Variants in MADD observed in about 807,000 individuals in gnomAD.
MADD encodes the protein MAP kinase activating death domain, also known as MAP kinase-activating death domain protein.
MADD carries 109 observed loss-of-function variants against 176.7 expected under a neutral mutation model. The ratio of observed to expected loss-of-function variants is 0.62; its 90% CI spans 0.53 to 0.72. The LOEUF (loss-of-function observed/expected upper bound fraction) is 0.72, where lower values mean the gene tolerates loss of function less well. Ranked by LOEUF, MADD falls within the 30% of genes least tolerant of loss-of-function variation. The probability of loss-of-function intolerance (pLI) is 0.00; values close to 1 mark genes in which losing one functional copy is unlikely to be tolerated. For synonymous variants in MADD, 771 were observed against 771.3 expected (o/e 1.00, Z 0.01); for missense variants, 1,914 against 2,045.5 (o/e 0.94, Z 1.24).
At chr11:47,320,303 A>C (rs2094212086) in intron 27 of MADD, among the ~76,000 whole-genome samples, 1 of 151,806 alleles carries the variant, frequency 6.6e-6, no homozygotes, top group Non-Finnish European at 1.5e-5. Flanking sequence ...AAAAATACAA[A>C]AAATTAGCCA....
chr11:47,274,311 CA>C (rs2047803395), intron 2 of MADD, among the ~76,000 whole-genome samples: 2 of 152,120 alleles, frequency 1.3e-5, no homozygotes, highest in Non-Finnish European at 2.9e-5. Context: ...AGATGTTAAT[CA>C]TCTTAAGGTG....
At chr11:47,318,838 C>A in intron 27 of MADD, among the ~76,000 whole-genome samples, 1 of 116,986 alleles carries the variant, frequency 8.5e-6, no homozygotes, top group African/African-American at 3.3e-5. Flanking sequence ...GACAGAGTCT[C>A]ACTCTGTTGC....
At chr11:47,317,272 T>C (rs2093346469) in intron 27 of MADD, among the ~76,000 whole-genome samples, 1 of 152,228 alleles carries the variant, frequency 6.6e-6, no homozygotes, top group Admixed American at 6.5e-5. Context: ...CTGATAGTCA[T>C]ACTGTGAATG....
exon 13 of MADD, chr11:47,284,996 C>A: frequency 6.2e-7 from 1 of 1,614,074 alleles, no homozygotes; most frequent in Non-Finnish European, 8.5e-7. Context: ...GTCTCCAAGC[C>A]CCTCCCTTCC....
At chr11:47,305,881 C>G (rs569511192) in intron 22 of MADD, among the ~76,000 whole-genome samples, 3 of 152,308 alleles carry the variant, frequency 2.0e-5, no homozygotes, top group Admixed American at 1.3e-4. Flanking sequence ...CAGCTCAGCC[C>G]TGGAATGCGT....
At chr11:47,272,589 A>G (rs1302942213) in intron 1 of MADD, among the ~76,000 whole-genome samples, 1 of 152,126 alleles carries the variant, frequency 6.6e-6, no homozygotes, top group Non-Finnish European at 1.5e-5. Flanking sequence ...TGAGAAAAGA[A>G]CTTCTACTCA....
At chr11:47,302,164 G>A (rs774360910) in intron 22 of MADD, among the ~76,000 whole-genome samples, 7 of 152,136 alleles carry the variant, frequency 4.6e-5, no homozygotes, top group Non-Finnish European at 1.0e-4. Context: ...ATTTGCAATT[G>A]TTATATCCTC....
At chr11:47,290,566 T>G in intron 18 of MADD, 44 bp from the exon 20 acceptor site, 1 of 1,577,440 alleles carries the variant, frequency 6.3e-7, no homozygotes, top group Non-Finnish European at 8.7e-7. Context: ...GCGCCTTGAT[T>G]CCTACTCACT....
intron 30 of MADD, among the ~76,000 whole-genome samples, chr11:47,326,152 T>TTACTACTACTAC (rs2095435266): frequency 6.6e-6 from 1 of 152,232 alleles, no homozygotes; most frequent in South Asian, 2.1e-4. Flanking sequence ...GTAATACTAT[T>TTACTACTACTAC]TACTGTGTCA....
chr11:47,328,169 AG>A (rs2095660245), intron 31 of MADD: 7 of 1,037,146 alleles, frequency 6.7e-6, no homozygotes, highest in Non-Finnish European at 8.1e-6. Flanking sequence ...CCCTCTGTGT[AG>A]GGGGCTGGGA....
intron 22 of MADD, among the ~76,000 whole-genome samples, chr11:47,304,371 C>G (rs2080788724): frequency 6.6e-6 from 1 of 152,018 alleles, no homozygotes; most frequent in South Asian, 2.1e-4. Context: ...GCTGGGATTA[C>G]AGGCATGCGC....
At chr11:47,306,281 A>G (rs544223421) in intron 22 of MADD, among the ~76,000 whole-genome samples, 1 of 152,306 alleles carries the variant, frequency 6.6e-6, no homozygotes, top group Non-Finnish European at 1.5e-5. Context: ...TCAAGACATC[A>G]GGCTAGAGTG....
In MADD at chr11:47,286,641, C is replaced by T. The variant is rs3889096; in HGVS notation, c.2653+107C>T. The T allele has an allele frequency of 9.7e-3, 7,633 of 789,978 alleles. 358 individuals are homozygous for T. The African/African-American group carries it at 0.1, about 11-fold the overall frequency. 48.9% of individuals were successfully genotyped at this position (789,978 alleles called of 1,614,324 possible). A position where few individuals can be genotyped will look rare whatever the true frequency, so the allele number is the denominator to read the frequency against. On this transcript the variant is annotated intron_variant, in intron 15 of 32. Coordinates refer to ENST00000402192, the Ensembl canonical transcript of MADD. Reference sequence around the variant, plus strand: ...CTGCTGAATCCTTTGACCTGGTTGTCGTCCCTCATGTTGCTCCTCATGGCT... The same window carrying T: ...CTGCTGAATCCTTTGACCTGGTTGTTGTCCCTCATGTTGCTCCTCATGGCT...
chr11:47,288,683 C>A lies in MADD; in HGVS notation c.2654-708C>A, dbSNP rs536143486. On this transcript the variant is annotated intron_variant, in intron 15 of 32. Transcript: ENST00000402192. ...CTCTGTGCTGGATGTTTTCTGAAAA[C>A]CAGCGGTCCCTGTTTCATGCATGTG... Among the ~76,000 whole-genome samples, 28 of 152,290 alleles carry A rather than the reference C, an allele frequency of 1.8e-4. No individual in the cohort carries two copies. In the South Asian group the frequency reaches 3.9e-3, roughly 21 times the overall value.
chr11:47,278,100 CA>C lies in MADD; in HGVS notation c.1096-64del, dbSNP rs1198056792. On this transcript the variant is annotated intron_variant, in intron 5 of 32. Coordinates refer to ENST00000402192, the Ensembl canonical transcript of MADD. ...CTGCATTTCCTTATCTAGAAGAATC[CA>C]GACTTGATAAGTGCTCATGATAGGT... 7.3e-5 allele frequency: 78 copies of C among 1,064,994 alleles called. No individual in the cohort carries two copies. In the African/African-American group the frequency reaches 1.1e-3, roughly 15 times the overall value. 66.0% of individuals were successfully genotyped at this position (1,064,994 alleles called of 1,614,324 possible).
chr11:47,320,335 A>G (rs947431544), intron 27 of MADD, among the ~76,000 whole-genome samples: 1 of 151,946 alleles, frequency 6.6e-6, no homozygotes, highest in Non-Finnish European at 1.5e-5. Flanking sequence ...GGGTGCTTGT[A>G]ATCCCAGTTA....
chr11:47,278,926 T>G, intron 6 of MADD, 73 bp from the exon 7 acceptor site: 1 of 1,293,026 alleles, frequency 7.7e-7, no homozygotes. Context: ...CGTCCTCTTA[T>G]TTTTATTTAT....
At chr11:47,285,401 A>C in intron 13 of MADD, 50 bp from the exon 14 acceptor site, 1 of 1,611,552 alleles carries the variant, frequency 6.2e-7, no homozygotes, top group Non-Finnish European at 8.5e-7. Flanking sequence ...CCATACTCCC[A>C]AGATCAGGTA....
rs371893370 is a variant in MADD at position 47,289,817 on chromosome 11, T to C, written c.2757-50T>C. 4.4e-6 allele frequency: 7 copies of C among 1,594,346 alleles called. No individual in the cohort carries two copies. In the African/African-American group the frequency reaches 8.1e-5, roughly 18 times the overall value. ...TCTAGTCTGGGTGAAAGGTGGGGGGTGCTCTGCAAAGGAGCTGATGACCAC... is the reference window on the plus strand; with the variant it reads ...TCTAGTCTGGGTGAAAGGTGGGGGGCGCTCTGCAAAGGAGCTGATGACCAC... On this transcript the variant is annotated intron_variant, in intron 16 of 32. Coordinates refer to ENST00000402192, the Ensembl canonical transcript of MADD.
Sources: gnomAD v4.1 joint callset for allele counts (sites outside exome capture counted in the v4.1 genomes callset) on GRCh38, gnomAD v4.1.1 for gene constraint, MANE v1.5 for transcripts, NCBI Gene and HGNC (gene_info 2026-07-23, HGNC 2026-07-21) for gene names.